SCFD2: variants seen among roughly 807,000 people sequenced by gnomAD.
SCFD2 encodes the protein sec1 family domain containing 2, also known as sec1 family domain-containing protein 2.
A neutral mutation model predicts 58.9 loss-of-function variants in SCFD2; 54 were observed. The ratio of observed to expected loss-of-function variants is 0.92; its 90% CI spans 0.74 to 1.15. SCFD2 has a LOEUF of 1.15. Ranked by LOEUF, SCFD2 falls within the 50% of genes most tolerant of loss-of-function variation. The pLI is 0.00. For missense variants in SCFD2, 805 were observed against 836.6 expected (o/e 0.96, Z 0.47); for synonymous variants, 321 against 335.9 (o/e 0.96, Z 0.49).
intron 3 of SCFD2, among the ~76,000 whole-genome samples, chr4:53,302,387 C>T (rs1440303407): frequency 6.6e-6 from 1 of 152,090 alleles, no homozygotes; most frequent in Non-Finnish European, 1.5e-5. Context: ...AGGAATCCAA[C>T]TTACAAGGAT....
chr4:53,036,960 T>C (rs1247135783), intron 5 of SCFD2, among the ~76,000 whole-genome samples: 1 of 151,934 alleles, frequency 6.6e-6, no homozygotes, highest in Non-Finnish European at 1.5e-5. Flanking sequence ...GGGGAAAGGG[T>C]TGATTACAAA....
chr4:53,166,588 C>T (rs1727016847), intron 4 of SCFD2, among the ~76,000 whole-genome samples: 1 of 152,074 alleles, frequency 6.6e-6, no homozygotes, highest in Non-Finnish European at 1.5e-5. Flanking sequence ...TAAACCGATT[C>T]TCTAGATTAA....
At chr4:52,967,350 C>A (rs910753738) in intron 5 of SCFD2, among the ~76,000 whole-genome samples, 2 of 152,136 alleles carry the variant, frequency 1.3e-5, no homozygotes, top group East Asian at 3.9e-4. Flanking sequence ...GACCCGAGAA[C>A]CCCTCCTAGA....
intron 6 of SCFD2, 70 bp downstream of exon 6, chr4:52,920,655 T>C (rs1182421230): frequency 2.6e-6 from 3 of 1,175,010 alleles, no homozygotes; most frequent in African/African-American, 3.2e-5. Context: ...AAGGGAACCT[T>C]TTCTTCTATA....
rs368862748 is a variant in SCFD2, at chr4:53,051,468, C to T, written c.1561+93865G>A. ...CAGTATGGTCAGAAGTTGAAGAGCC[C>T]AAGGTGTGGAGCCACCTAGGGGAAG... On this transcript the variant is annotated intron_variant, in intron 5 of 8. Coordinates refer to ENST00000401642, the MANE Select transcript of SCFD2 (RefSeq NM_152540.4). Among the ~76,000 whole-genome samples the T allele has an allele frequency of 1.5e-3, 233 of 152,236 alleles. 1 individual carries two copies. Among genetic ancestry groups the T allele is most frequent in the African/African-American group, 5.3e-3 (219 of 41,552 alleles).
intron 3 of SCFD2, among the ~76,000 whole-genome samples, chr4:53,295,391 C>T (rs1236005511): frequency 6.6e-6 from 1 of 152,056 alleles, no homozygotes; most frequent in Non-Finnish European, 1.5e-5. Context: ...ATTTTATTGT[C>T]TTTGTAGCTA....
chr4:52,945,760 C>T (rs762539740), intron 5 of SCFD2: 2 of 152,148 alleles, frequency 1.3e-5, no homozygotes, highest in African/African-American at 2.4e-5. Context: ...TGAAAAATAA[C>T]GTAAGTTTCA....
At chr4:53,198,800 T>C (rs1171079175) in intron 4 of SCFD2, among the ~76,000 whole-genome samples, 3 of 152,066 alleles carry the variant, frequency 2.0e-5, no homozygotes, top group East Asian at 1.9e-4. Context: ...ACTGTTGTGA[T>C]AGGTTCCTTT....
intron 4 of SCFD2, among the ~76,000 whole-genome samples, chr4:53,203,466 G>T (rs1479484827): frequency 6.6e-6 from 1 of 151,434 alleles, no homozygotes; most frequent in Admixed American, 6.6e-5. Context: ...ATGAAACATA[G>T]AAAAATAAAT....
At chr4:53,204,585 C>A (rs1045923728) in intron 4 of SCFD2, among the ~76,000 whole-genome samples, 1 of 150,056 alleles carries the variant, frequency 6.7e-6, no homozygotes, top group African/African-American at 2.5e-5. Context: ...CTTTTTGAAT[C>A]TTCTCAAAAA....
intron 4 of SCFD2, among the ~76,000 whole-genome samples, chr4:53,241,360 A>G (rs887383228): frequency 1.3e-5 from 2 of 152,186 alleles, no homozygotes; most frequent in African/African-American, 4.8e-5. Flanking sequence ...GAAGTGTCAG[A>G]TCTGAACTCT....
chr4:53,255,193 T>TC, intron 4 of SCFD2, among the ~76,000 whole-genome samples: 1 of 98,916 alleles, frequency 1.0e-5, no homozygotes, highest in Admixed American at 1.1e-4. Flanking sequence ...TCTTTTTTTT[T>TC]CTTTTTTATT....
chr4:52,971,130 C>G (rs1377619961), intron 5 of SCFD2, among the ~76,000 whole-genome samples: 1 of 152,100 alleles, frequency 6.6e-6, no homozygotes, highest in Non-Finnish European at 1.5e-5. Flanking sequence ...CCAAAGGAAC[C>G]CAGCTCCTCA....
chr4:53,054,629 GA>G lies in SCFD2; in HGVS notation c.1561+90703del, dbSNP rs554953513. 7.9e-3 allele frequency among the ~76,000 whole-genome samples: 1,074 copies of G among 136,688 alleles called. 8 individuals carry two copies. Among genetic ancestry groups the G allele is most frequent in the Middle Eastern group, 0.047 (13 of 276 alleles). The allele number at this position is 136,688 out of a possible 152,430, so 89.7% of individuals were successfully genotyped here. A position where few individuals can be genotyped will look rare whatever the true frequency, so the allele number is the denominator to read the frequency against. Reference sequence around the variant, plus strand: ...GTAAAGAAAGAAAATGATTAGCTTAGAAAAAAAAAAAAGAGTTTTTTTTTTG... The same window carrying G: ...GTAAAGAAAGAAAATGATTAGCTTAGAAAAAAAAAAAGAGTTTTTTTTTTG... On this transcript the variant is annotated intron_variant, in intron 5 of 8. Transcript: ENST00000401642.
intron 5 of SCFD2, among the ~76,000 whole-genome samples, chr4:53,019,350 GTAGGTGTA>G (rs1248922117): frequency 1.3e-5 from 2 of 152,156 alleles, no homozygotes; most frequent in Non-Finnish European, 2.9e-5. Context: ...CCCTGTTTAT[GTAGGTGTA>G]TAGATAGATA....
chr4:53,086,388 GC>G (rs1459560361), intron 5 of SCFD2, among the ~76,000 whole-genome samples: 1 of 152,096 alleles, frequency 6.6e-6, no homozygotes, highest in African/African-American at 2.4e-5. Flanking sequence ...AATAACAAAT[GC>G]TGACAAAGAT....
chr4:53,083,130 A>T (rs1724199151), intron 5 of SCFD2, among the ~76,000 whole-genome samples: 1 of 152,156 alleles, frequency 6.6e-6, no homozygotes, highest in African/African-American at 2.4e-5. Context: ...TGATGGGTGA[A>T]GGCTGGAAAA....
chr4:52,923,676 A>G (rs1350953701), intron 5 of SCFD2, among the ~76,000 whole-genome samples: 1 of 152,218 alleles, frequency 6.6e-6, no homozygotes, highest in East Asian at 1.9e-4. Context: ...TTGAGGAAAG[A>G]AGAAAATGTG....
chr4:52,984,053 T>C (rs761164981), intron 5 of SCFD2, among the ~76,000 whole-genome samples: 2 of 152,168 alleles, frequency 1.3e-5, no homozygotes, highest in Admixed American at 1.3e-4. Flanking sequence ...TGCAAAGCAG[T>C]TGGAGTACCT....
Sources: gnomAD v4.1 joint callset for allele counts (sites outside exome capture counted in the v4.1 genomes callset) on GRCh38, gnomAD v4.1.1 for gene constraint, MANE v1.5 for transcripts, NCBI Gene and HGNC (gene_info 2026-07-23, HGNC 2026-07-21) for gene names.